Variants in FMN2 observed in about 807,000 individuals in gnomAD.
FMN2 encodes the protein formin 2.
A neutral mutation model predicts 142.3 loss-of-function variants in FMN2; 51 were observed. The ratio of observed to expected loss-of-function variants is 0.36; its 90% CI spans 0.29 to 0.45. The LOEUF (loss-of-function observed/expected upper bound fraction) is 0.45. Ranked by LOEUF, FMN2 falls within the 20% of genes least tolerant of loss-of-function variation. The pLI is 1.00. For missense variants in FMN2, 1,936 were observed against 2,122.8 expected (o/e 0.91, Z 1.73); for synonymous variants, 882 against 869.8 (o/e 1.01, Z -0.25).
At chr1:240,281,575 G>A (rs1013878092) in intron 7 of FMN2, among the ~76,000 whole-genome samples, 6 of 151,892 alleles carry the variant, frequency 4.0e-5, no homozygotes, top group Non-Finnish European at 8.8e-5. Context: ...TCTTCTCTGT[G>A]GATGAATAAA....
chr1:240,380,458 C>T (rs940961228), intron 14 of FMN2, among the ~76,000 whole-genome samples: 3 of 152,046 alleles, frequency 2.0e-5, no homozygotes, highest in Non-Finnish European at 4.4e-5. Context: ...ACAACTGCTA[C>T]TGGGTACATA....
At chr1:240,276,384 G>A (rs560780879) in intron 7 of FMN2, among the ~76,000 whole-genome samples, 4 of 152,276 alleles carry the variant, frequency 2.6e-5, no homozygotes, top group African/African-American at 7.2e-5. Context: ...GGTTAAGAAT[G>A]TGTGTTAGGA....
At chr1:240,296,517 G>A (rs1669995448) in intron 8 of FMN2, among the ~76,000 whole-genome samples, 1 of 129,242 alleles carries the variant, frequency 7.7e-6, no homozygotes, top group Admixed American at 9.7e-5. Flanking sequence ...TCTGCTCTTT[G>A]GGGCATGGCC....
chr1:240,341,491 C>T (rs955742950), intron 13 of FMN2: 4 of 151,890 alleles, frequency 2.6e-5, no homozygotes, highest in Non-Finnish European at 2.9e-5. Flanking sequence ...AAAAAAAAGT[C>T]AGGAAATTAT....
intron 15 of FMN2, 107 bp downstream of exon 15, chr1:240,392,669 A>C: frequency 1.1e-6 from 1 of 874,364 alleles, no homozygotes. Context: ...AGCATAAAAC[A>C]AAAATAAATC....
intron 14 of FMN2, among the ~76,000 whole-genome samples, chr1:240,366,982 C>A (rs1672694069): frequency 6.6e-6 from 1 of 151,696 alleles, no homozygotes; most frequent in Admixed American, 6.6e-5. Flanking sequence ...ACAAGTGAAT[C>A]TTCTGCCTCG....
At chr1:240,203,390 C>T (rs1431283277) in intron 4 of FMN2, among the ~76,000 whole-genome samples, 1 of 152,122 alleles carries the variant, frequency 6.6e-6, no homozygotes, top group Non-Finnish European at 1.5e-5. Context: ...GTCATAATAG[C>T]AAAGACGTGG....
chr1:240,288,322 G>C (rs185145138), intron 7 of FMN2, among the ~76,000 whole-genome samples: 20 of 152,222 alleles, frequency 1.3e-4, no homozygotes, highest in Admixed American at 1.3e-3. Context: ...TGATTTGATA[G>C]GTTATGCCTA....
intron 7 of FMN2, among the ~76,000 whole-genome samples, chr1:240,291,112 C>T (rs1669771272): frequency 6.6e-6 from 1 of 152,164 alleles, no homozygotes; most frequent in African/African-American, 2.4e-5. Context: ...CCACATCCAG[C>T]TGGAGTGATT....
intron 14 of FMN2, among the ~76,000 whole-genome samples, chr1:240,374,291 G>C (rs1232047672): frequency 6.6e-6 from 1 of 152,160 alleles, no homozygotes; most frequent in Non-Finnish European, 1.5e-5. Flanking sequence ...CACTTCAACT[G>C]AAAGTCACCA....
At chr1:240,414,922 T>A (rs934262981) in intron 15 of FMN2, among the ~76,000 whole-genome samples, 2 of 152,196 alleles carry the variant, frequency 1.3e-5, no homozygotes, top group African/African-American at 4.8e-5. Context: ...AGAACTTGCT[T>A]GTCTAGGATA....
chr1:240,280,484 C>A (rs767717025), intron 7 of FMN2, among the ~76,000 whole-genome samples: 36 of 152,204 alleles, frequency 2.4e-4, no homozygotes, highest in African/African-American at 6.7e-4. Flanking sequence ...TCACTGTGCC[C>A]CTTTTAGAGC....
At chr1:240,453,267 A>C (rs1676119445) in intron 16 of FMN2, among the ~76,000 whole-genome samples, 1 of 152,204 alleles carries the variant, frequency 6.6e-6, no homozygotes, top group African/African-American at 2.4e-5. Flanking sequence ...CATAGAAGCC[A>C]AACCCCACAT....
chr1:240,203,634 A>G (rs1327255188), intron 4 of FMN2, among the ~76,000 whole-genome samples: 1 of 152,180 alleles, frequency 6.6e-6, no homozygotes, highest in Admixed American at 6.5e-5. Flanking sequence ...CAGGTGGGGA[A>G]CAAGGCACAC....
intron 2 of FMN2, among the ~76,000 whole-genome samples, chr1:240,142,306 A>G (rs1663217339): frequency 6.6e-6 from 1 of 152,144 alleles, no homozygotes; most frequent in Admixed American, 6.5e-5. Flanking sequence ...AAGCCAAAAT[A>G]TAACTGAGAT....
At chr1:240,157,043 GA>G (rs1203563871) in intron 2 of FMN2, among the ~76,000 whole-genome samples, 2 of 151,962 alleles carry the variant, frequency 1.3e-5, no homozygotes, top group East Asian at 1.9e-4. Flanking sequence ...TGAAAGTTAA[GA>G]AAAAAACTTT....
At chr1:240,290,152 T>C (rs1192148366) in intron 7 of FMN2, among the ~76,000 whole-genome samples, 2 of 152,236 alleles carry the variant, frequency 1.3e-5, no homozygotes, top group African/African-American at 4.8e-5. Context: ...TTTAATGTAA[T>C]GCAGTCATCG....
intron 8 of FMN2, among the ~76,000 whole-genome samples, chr1:240,321,561 C>G (rs1336026643): frequency 6.6e-6 from 1 of 152,038 alleles, no homozygotes; most frequent in Non-Finnish European, 1.5e-5. Context: ...TAACATAGTA[C>G]AAAAAGTAAA....
At chr1:240,191,384 T>G (rs1210450074) in intron 4 of FMN2, among the ~76,000 whole-genome samples, 2 of 152,226 alleles carry the variant, frequency 1.3e-5, no homozygotes. Context: ...CAGCTGGCAC[T>G]CAAGTGAAAA....
Sources: allele counts gnomAD v4.1 joint callset (sites outside exome capture counted in the v4.1 genomes callset), GRCh38; gene constraint gnomAD v4.1.1; transcripts MANE v1.5; gene names NCBI Gene and HGNC (gene_info 2026-07-23, HGNC 2026-07-21).